The following EPSTI1 variants were observed in gnomAD, a reference collection of about 807,000 sequenced individuals.
EPSTI1 encodes epithelial stromal interaction 1, also known as epithelial-stromal interaction protein 1.
In EPSTI1, 66 loss-of-function variants were observed where a neutral mutation model predicts 49.9. That is an observed-to-expected ratio of 1.32 (90% CI 1.08 to 1.62). The LOEUF (loss-of-function observed/expected upper bound fraction) is 1.62, where lower values mean the gene tolerates loss of function less well. Ranked by LOEUF, EPSTI1 falls within the 40% of genes most tolerant of loss-of-function variation. EPSTI1 has a pLI of 0.00. For missense variants in EPSTI1, 394 were observed against 365.5 expected (o/e 1.08, Z -0.64); for synonymous variants, 137 against 130.7 (o/e 1.05, Z -0.33).
At chr13:42,920,962 T>TAA (rs1203414678) in intron 7 of EPSTI1, among the ~76,000 whole-genome samples, 1 of 151,912 alleles carries the variant, frequency 6.6e-6, no homozygotes, top group East Asian at 1.9e-4. Context: ...ATTTAGAAGA[T>TAA]AAAGTCAAGA....
intron 8 of EPSTI1, among the ~76,000 whole-genome samples, chr13:42,906,718 A>G (rs1401046027): frequency 1.3e-5 from 2 of 152,220 alleles, no homozygotes; most frequent in Non-Finnish European, 2.9e-5. Flanking sequence ...ATGGGGAGAA[A>G]AGGCAGAAGC....
In EPSTI1 at chr13:42,900,387, G is replaced by A. The variant is rs1228317068; in HGVS notation, c.742-4C>T. The stretch of plus-strand genomic sequence containing the variant: ...GTTTCAGTTCCAGTAATTCACTCTA[G>A]GAACAATAAAAGTTTTAAAATATGG... On this transcript the variant is annotated splice_polypyrimidine_tract_variant and splice_region_variant and intron_variant, in intron 8 of 10. Coordinates refer to ENST00000313624, the MANE Select transcript of EPSTI1 (RefSeq NM_033255.5). The A allele has an allele frequency of 3.7e-6, 6 of 1,612,864 alleles. No individual in the cohort carries two copies. The East Asian group carries it at 1.1e-4, about 30-fold the overall frequency.
chr13:42,929,670 A>C (rs1262037100), intron 6 of EPSTI1, among the ~76,000 whole-genome samples: 1 of 152,246 alleles, frequency 6.6e-6, no homozygotes, highest in Non-Finnish European at 1.5e-5. Context: ...AAGACAGAGA[A>C]GGAAGGGATG....
intron 8 of EPSTI1, among the ~76,000 whole-genome samples, chr13:42,910,324 C>T (rs1044697614): frequency 3.0e-5 from 4 of 134,794 alleles, no homozygotes; most frequent in Non-Finnish European, 1.5e-5. Context: ...TGCAATGGTG[C>T]AGTCTTGGCT....
intron 8 of EPSTI1, among the ~76,000 whole-genome samples, chr13:42,916,282 A>G (rs1468216414): frequency 6.6e-6 from 1 of 151,920 alleles, no homozygotes. Flanking sequence ...TAAAAAAAAA[A>G]AAAACACTAA....
At position 42,955,877 on chromosome 13, in the gene EPSTI1, TGG is replaced by T. The variant is rs57603932; in HGVS notation, c.490-1858_490-1857del. 8.8e-4 allele frequency among the ~76,000 whole-genome samples: 93 copies of T among 105,558 alleles called. 2 individuals carry two copies. The highest frequency in any genetic ancestry group is 9.3e-3 in the Middle Eastern group (2 of 214). The allele number at this position is 105,558 out of a possible 152,430, so 69.3% of individuals were successfully genotyped here. On this transcript the variant is annotated intron_variant, in intron 5 of 10. Transcript: ENST00000313624. ...AGTTGATAGTTGATGAAGAAGTATT[TGG>T]GGGGGGGGGGAAGTAGTAGTAGTAG...
Position 42,970,595 on chromosome 13 carries a change from T to C in EPSTI1, c.247+17A>G. On this transcript the variant is annotated intron_variant, in intron 2 of 10. Coordinates refer to ENST00000313624, the MANE Select transcript of EPSTI1 (RefSeq NM_033255.5). ...AGAGAGAAGCATTCTGAATGTTAAA[T>C]GAATGACTATACATACTTCTTTGTA... 1 of 1,582,538 alleles carries C rather than the reference T, an allele frequency of 6.3e-7. No homozygotes were observed. The highest frequency in any genetic ancestry group is 8.6e-7 in the Non-Finnish European group (1 of 1,164,782).
chr13:42,989,572 T>C (rs1311269919), intron 1 of EPSTI1, among the ~76,000 whole-genome samples: 1 of 125,782 alleles, frequency 8.0e-6, no homozygotes, highest in African/African-American at 2.8e-5. Flanking sequence ...TTTTTCTTTT[T>C]TTTTTTTTTT....
intron 6 of EPSTI1, among the ~76,000 whole-genome samples, chr13:42,939,162 G>A (rs992650776): frequency 2.6e-5 from 4 of 152,166 alleles, no homozygotes; most frequent in Non-Finnish European, 1.5e-5. Context: ...CCTTGCTCTA[G>A]CTTAGGCTTT....
In EPSTI1 at chr13:42,888,426, T is replaced by G. The variant is rs754766257; in HGVS notation, c.*68A>C. ...ACAGTGAGGCTGAACAAAATCACAT[T>G]AAGAAAAAGCATCTCATGAGGCTTT... On this transcript the variant is annotated 3_prime_UTR_variant, in exon 11 of 11. Transcript: ENST00000313624. The G allele has an allele frequency of 1.2e-6, 2 of 1,614,006 alleles. No individual in the cohort carries two copies. Among genetic ancestry groups the G allele is most frequent in the African/African-American group, 1.3e-5 (1 of 74,986 alleles).
chr13:42,916,152 A>C (rs2037823531), intron 8 of EPSTI1, among the ~76,000 whole-genome samples: 1 of 152,162 alleles, frequency 6.6e-6, no homozygotes, highest in East Asian at 1.9e-4. Flanking sequence ...TTAAAAGTAC[A>C]ACATGACTAT....
At chr13:42,917,781 T>C (rs2037880815) in intron 7 of EPSTI1, among the ~76,000 whole-genome samples, 157 bp from the exon 8 acceptor site, 2 of 152,080 alleles carry the variant, frequency 1.3e-5, no homozygotes. Flanking sequence ...GGTTATTAAG[T>C]GATTTATGCA....
At chr13:42,902,691 A>G (rs2037394513) in intron 8 of EPSTI1, among the ~76,000 whole-genome samples, 1 of 152,230 alleles carries the variant, frequency 6.6e-6, no homozygotes, top group Non-Finnish European at 1.5e-5. Flanking sequence ...ACAATTGCAA[A>G]GGTAGGCAGG....
At chr13:42,990,644 A>G (rs2153437627) in intron 1 of EPSTI1, among the ~76,000 whole-genome samples, 1 of 152,332 alleles carries the variant, frequency 6.6e-6, no homozygotes, top group Non-Finnish European at 1.5e-5. Context: ...AAGAAATGCA[A>G]CAATCTCTAA....
chr13:42,981,985 A>G (rs1040697349), intron 1 of EPSTI1, among the ~76,000 whole-genome samples: 3 of 152,228 alleles, frequency 2.0e-5, no homozygotes, highest in African/African-American at 7.2e-5. Context: ...GAGGTTGCAC[A>G]GTGAGAGTGA....
chr13:42,915,093 C>T (rs1039022054), intron 8 of EPSTI1, among the ~76,000 whole-genome samples: 2 of 152,024 alleles, frequency 1.3e-5, no homozygotes, highest in African/African-American at 2.4e-5. Flanking sequence ...TAAATATTTG[C>T]GGAATGAATG....
At chr13:42,931,480 C>T (rs1036641972) in intron 6 of EPSTI1, among the ~76,000 whole-genome samples, 29 of 152,272 alleles carry the variant, frequency 1.9e-4, no homozygotes, top group African/African-American at 6.3e-4. Context: ...GCTGGGATTA[C>T]AGGCGTGAGC....
chr13:42,965,515 C>T (rs1404727393), intron 3 of EPSTI1, among the ~76,000 whole-genome samples: 1 of 152,244 alleles, frequency 6.6e-6, no homozygotes, highest in South Asian at 2.1e-4. Context: ...CCTTGGGGAA[C>T]CTTAACTAAC....
chr13:42,939,209 T>C lies in EPSTI1; in HGVS notation c.564-12780A>G, dbSNP rs550455238. 2.0e-5 allele frequency among the ~76,000 whole-genome samples: 3 copies of C among 152,356 alleles called. No individual in the cohort carries two copies. In the East Asian group the frequency reaches 5.8e-4, roughly 29 times the overall value. On this transcript the variant is annotated intron_variant, in intron 6 of 10. Coordinates refer to ENST00000313624, the MANE Select transcript of EPSTI1 (RefSeq NM_033255.5). ...ATGTTTTGGCTGGTCTGATCTTCTA[T>C]CCAGACCACTTGAACTTTCTTCATA...
Sources: gnomAD v4.1 joint callset for allele counts (sites outside exome capture counted in the v4.1 genomes callset) on GRCh38, gnomAD v4.1.1 for gene constraint, MANE v1.5 for transcripts, NCBI Gene and HGNC (gene_info 2026-07-23, HGNC 2026-07-21) for gene names.